The following DLGAP1 variants were observed in gnomAD, a reference collection of about 807,000 sequenced individuals.
DLGAP1 encodes disks large-associated protein 1.
In DLGAP1, 11 loss-of-function variants were observed where a neutral mutation model predicts 90.8. The observed-to-expected ratio is 0.12, with a 90% CI of 0.08 to 0.20. The LOEUF (loss-of-function observed/expected upper bound fraction) is 0.20. Among genes scored for constraint, DLGAP1 ranks in the 10% least tolerant of loss-of-function variants. The pLI is 1.00. For synonymous variants in DLGAP1, 558 were observed against 540.7 expected (o/e 1.03, Z -0.44); for missense variants, 1,050 against 1,333.8 (o/e 0.79, Z 3.31).
chr18:3,534,136 A>G, intron 10 of DLGAP1, 58 bp downstream of exon 10: 1 of 1,555,748 alleles, frequency 6.4e-7, no homozygotes, highest in Non-Finnish European at 8.7e-7. Flanking sequence ...CAAGGTCTGC[A>G]CACACAAAGC....
At chr18:3,572,966 A>C (rs924550761) in intron 8 of DLGAP1, among the ~76,000 whole-genome samples, 7 of 152,166 alleles carry the variant, frequency 4.6e-5, no homozygotes, top group Non-Finnish European at 8.8e-5. Context: ...TGCTGACACG[A>C]TAATAAGATG....
chr18:3,504,590 T>A (rs2050115975), intron 11 of DLGAP1, among the ~76,000 whole-genome samples: 1 of 152,076 alleles, frequency 6.6e-6, no homozygotes, highest in Admixed American at 6.6e-5. Context: ...CTCACATTGT[T>A]GCTCAGGCTG....
At chr18:4,291,685 A>ACT (rs879248600) in intron 1 of DLGAP1, among the ~76,000 whole-genome samples, 4 of 152,196 alleles carry the variant, frequency 2.6e-5, no homozygotes, top group Admixed American at 2.6e-4. Context: ...GCTATATAAT[A>ACT]CTTTATGTCT....
At chr18:4,167,195 T>C (rs2076947586) in intron 1 of DLGAP1, among the ~76,000 whole-genome samples, 1 of 152,190 alleles carries the variant, frequency 6.6e-6, no homozygotes, top group African/African-American at 2.4e-5. Context: ...GACATTTCAA[T>C]AATTATCTTA....
chr18:3,526,868 C>T lies in DLGAP1; in HGVS notation c.2479+7326G>A, dbSNP rs2051657339. Reference sequence around the variant, plus strand: ...CTGTTTCACACAAGGGCTTCATTGTCTGAGAAGAGCTCGTATCATTTTACT... The same window carrying T: ...CTGTTTCACACAAGGGCTTCATTGTTTGAGAAGAGCTCGTATCATTTTACT... On this transcript the variant is annotated intron_variant, in intron 10 of 12. Transcript: ENST00000315677. This position sits in a 1 kb window ranked among gnomAD's most constrained non-coding sequence, Gnocchi z 4.7. Among the ~76,000 whole-genome samples, 1 of 152,144 alleles carries T rather than the reference C, an allele frequency of 6.6e-6. No individual in the cohort carries two copies. Among genetic ancestry groups the T allele is most frequent in the Admixed American group, 6.5e-5 (1 of 15,268 alleles).
chr18:4,077,462 C>T (rs768630323), intron 2 of DLGAP1, among the ~76,000 whole-genome samples: 4 of 152,108 alleles, frequency 2.6e-5, no homozygotes, highest in Non-Finnish European at 5.9e-5. Flanking sequence ...GGGGGTGGAA[C>T]CACATGAATA....
At chr18:4,264,342 C>T (rs1171158720) in intron 1 of DLGAP1, among the ~76,000 whole-genome samples, 1 of 152,222 alleles carries the variant, frequency 6.6e-6, no homozygotes, top group Non-Finnish European at 1.5e-5. Context: ...ACTGAACTCA[C>T]ATTTTGAGAT....
intron 2 of DLGAP1, among the ~76,000 whole-genome samples, chr18:4,019,268 A>G (rs186825886): frequency 1.3e-5 from 2 of 152,106 alleles, no homozygotes; most frequent in Admixed American, 1.3e-4. Flanking sequence ...ATAAATTAGA[A>G]TCTATTTTAT....
At chr18:3,767,214 G>C (rs1273765626) in intron 5 of DLGAP1, among the ~76,000 whole-genome samples, 1 of 152,036 alleles carries the variant, frequency 6.6e-6, no homozygotes, top group Non-Finnish European at 1.5e-5. Flanking sequence ...CTTTTCAACA[G>C]ATATTAGACC....
intron 2 of DLGAP1, among the ~76,000 whole-genome samples, chr18:4,117,384 C>T (rs1398218065): frequency 6.6e-6 from 1 of 152,194 alleles, no homozygotes; most frequent in Non-Finnish European, 1.5e-5. Context: ...TTGCATAATA[C>T]ATTGTAGCAA....
intron 2 of DLGAP1, among the ~76,000 whole-genome samples, chr18:4,139,844 C>A (rs1022397977): frequency 1.3e-5 from 2 of 151,772 alleles, no homozygotes; most frequent in Non-Finnish European, 1.5e-5. Flanking sequence ...TGAATTGAAC[C>A]CTTTATGATT....
chr18:3,927,341 G>A (rs2072414584), intron 3 of DLGAP1, among the ~76,000 whole-genome samples: 1 of 152,222 alleles, frequency 6.6e-6, no homozygotes, highest in African/African-American at 2.4e-5. Flanking sequence ...AAGATCGAGA[G>A]AAAGACGTCT....
rs9956549 is a variant in DLGAP1 at position 4,084,772 on chromosome 18, A to G, written c.-159+66408T>C. On this transcript the variant is annotated intron_variant, in intron 2 of 12. Transcript: ENST00000315677. This position sits in a 1 kb window ranked among gnomAD's most constrained non-coding sequence, Gnocchi z 4.0. Reference sequence around the variant, plus strand: ...GATAAAGACTCCCATGTCATGCAACACTTATTAAATATATTAGCATGCTTT... The same window carrying G: ...GATAAAGACTCCCATGTCATGCAACGCTTATTAAATATATTAGCATGCTTT... Among the ~76,000 whole-genome samples, 20,783 of 152,132 alleles carry G rather than the reference A, an allele frequency of 0.14. 1,486 individuals carry two copies. The highest frequency in any genetic ancestry group is 0.18 in the Middle Eastern group (52 of 294).
At chr18:4,046,547 TTAAG>T (rs2075057019) in intron 2 of DLGAP1, among the ~76,000 whole-genome samples, 1 of 152,232 alleles carries the variant, frequency 6.6e-6, no homozygotes, top group Admixed American at 6.5e-5. Context: ...CATCAAATAA[TTAAG>T]TGTTAGAATA....
At chr18:3,802,548 A>G (rs982174545) in intron 5 of DLGAP1, among the ~76,000 whole-genome samples, 2 of 152,116 alleles carry the variant, frequency 1.3e-5, no homozygotes, top group Non-Finnish European at 2.9e-5. Flanking sequence ...CAGATTCCAA[A>G]TCGAATCCTT....
chr18:3,927,462 A>G (rs1021967329), intron 3 of DLGAP1, among the ~76,000 whole-genome samples: 35 of 152,368 alleles, frequency 2.3e-4, no homozygotes, highest in African/African-American at 7.2e-4. Flanking sequence ...TTCCTGTTAA[A>G]TATAATATAT....
At chr18:3,880,268 C>T (rs907695444) in intron 3 of DLGAP1, 128 bp from the exon 4 acceptor site, 27 of 609,286 alleles carry the variant, frequency 4.4e-5, no homozygotes, top group Admixed American at 2.0e-4. Flanking sequence ...CCTGCAGCCT[C>T]CACATCCTGG....
At chr18:3,833,426 G>A (rs1282044632) in intron 4 of DLGAP1, among the ~76,000 whole-genome samples, 1 of 151,942 alleles carries the variant, frequency 6.6e-6, no homozygotes, top group Non-Finnish European at 1.5e-5. Flanking sequence ...TAGAGATGGG[G>A]TTTTGCCATG....
chr18:4,267,855 C>G (rs772662858), intron 1 of DLGAP1, among the ~76,000 whole-genome samples: 1 of 152,166 alleles, frequency 6.6e-6, no homozygotes, highest in East Asian at 1.9e-4. Context: ...ACATGGCAGC[C>G]GGCTTCCCTG....
Sources: allele counts gnomAD v4.1 joint callset (sites outside exome capture counted in the v4.1 genomes callset), GRCh38; gene constraint gnomAD v4.1.1; non-coding constraint Gnocchi (gnomAD v3.1); transcripts MANE v1.5; gene names NCBI Gene and HGNC (gene_info 2026-07-23, HGNC 2026-07-21).